The following CDC42SE2 variants were observed in gnomAD, a reference collection of about 807,000 sequenced individuals.
The protein encoded by CDC42SE2 is CDC42 small effector protein 2.
CDC42SE2 carries 3 observed loss-of-function variants against 11.5 expected under a neutral mutation model. That is an observed-to-expected ratio of 0.26 (90% CI 0.12 to 0.67). The LOEUF (loss-of-function observed/expected upper bound fraction) is 0.67, where lower values mean the gene tolerates loss of function less well. CDC42SE2 is among the 30% of genes least tolerant of loss of function. The pLI is 0.80. For missense variants in CDC42SE2, 82 were observed against 106.8 expected (o/e 0.77, Z 1.02); for synonymous variants, 33 against 34.8 (o/e 0.95, Z 0.18).
chr5:131,247,652 T>A (rs1182122163), intron 1 of CDC42SE2, among the ~76,000 whole-genome samples: 1 of 152,134 alleles, frequency 6.6e-6, no homozygotes, highest in Non-Finnish European at 1.5e-5. Flanking sequence ...TATTTATTTA[T>A]TTATTTGTAT....
In CDC42SE2 at chr5:131,338,973, C is replaced by T. The variant is rs140064426; in HGVS notation, c.-285-20236C>T. On this transcript the variant is annotated intron_variant, in intron 2 of 4. Coordinates refer to ENST00000505065, the MANE Select transcript of CDC42SE2 (RefSeq NM_001375635.1). ...TTTAAGAATGCTTGTTCAGGCCGGG[C>T]GTGGTGGCTCACACCTGTAAACCCA... Among the ~76,000 whole-genome samples, 3 of 152,134 alleles carry T rather than the reference C, an allele frequency of 2.0e-5. No individual in the cohort carries two copies. The East Asian group carries it at 5.8e-4, about 29-fold the overall frequency.
rs751473116 is a variant in CDC42SE2, at chr5:131,352,186, G to T, written c.-285-7023G>T. Among the ~76,000 whole-genome samples, 73 of 152,062 alleles carry T rather than the reference G, an allele frequency of 4.8e-4. 1 individual carries two copies. Among genetic ancestry groups the T allele is most frequent in the Non-Finnish European group, 1.3e-4 (9 of 68,002 alleles). On this transcript the variant is annotated intron_variant, in intron 2 of 4. Coordinates refer to ENST00000505065, the MANE Select transcript of CDC42SE2 (RefSeq NM_001375635.1). ...ATAACTGGAACTCTCAATGCAAAGT[G>T]GTAAAACTGGTTTAGAAAACTGGTG... is the stretch of plus-strand genomic sequence containing the variant.
At chr5:131,313,119 A>T (rs1454070265) in intron 1 of CDC42SE2, among the ~76,000 whole-genome samples, 1 of 151,630 alleles carries the variant, frequency 6.6e-6, no homozygotes, top group Non-Finnish European at 1.5e-5. Context: ...TGTAGCTGGG[A>T]CTACAGGTGC....
intron 1 of CDC42SE2, among the ~76,000 whole-genome samples, chr5:131,313,827 AATTT>A (rs1757982568): frequency 6.6e-6 from 1 of 151,984 alleles, no homozygotes. Flanking sequence ...TTATTTAATT[AATTT>A]ATTTTATTTA....
At chr5:131,378,706 A>G (rs1750225798) in intron 3 of CDC42SE2, among the ~76,000 whole-genome samples, 1 of 152,342 alleles carries the variant, frequency 6.6e-6, no homozygotes, top group Admixed American at 6.5e-5. Flanking sequence ...AACCAGTTAC[A>G]TACTTATGGT....
chr5:131,229,473 T>C, the CDC42SE2 span, among the ~76,000 whole-genome samples: 3 of 152,142 alleles, frequency 2.0e-5, no homozygotes, highest in Admixed American at 6.5e-5. Context: ...TGAAATGGTC[T>C]TGAGCTCTTG....
chr5:131,301,864 T>C (rs1238645101), intron 1 of CDC42SE2, among the ~76,000 whole-genome samples: 1 of 152,146 alleles, frequency 6.6e-6, no homozygotes, highest in Non-Finnish European at 1.5e-5. Context: ...CCCCCTTCCC[T>C]TTCTGATACC....
At chr5:131,228,536 C>A in the CDC42SE2 span, among the ~76,000 whole-genome samples, 1 of 152,178 alleles carries the variant, frequency 6.6e-6, no homozygotes, top group Non-Finnish European at 1.5e-5. Flanking sequence ...CTGTTCCCTG[C>A]AATAAAAGAC....
At chr5:131,229,359 T>C in the CDC42SE2 span, among the ~76,000 whole-genome samples, 1 of 152,106 alleles carries the variant, frequency 6.6e-6, no homozygotes, top group Non-Finnish European at 1.5e-5. Flanking sequence ...ATTAACCCTA[T>C]ACAATTTCTT....
chr5:131,340,607 T>A (rs13174167), intron 2 of CDC42SE2, among the ~76,000 whole-genome samples: 4,329 of 152,258 alleles, frequency 0.028, 88 homozygotes, highest in Middle Eastern at 0.068. Context: ...AACTGCAGTC[T>A]TAGACAAACA....
intron 1 of CDC42SE2, among the ~76,000 whole-genome samples, chr5:131,280,441 T>G (rs2149701490): frequency 6.6e-6 from 1 of 152,312 alleles, no homozygotes; most frequent in South Asian, 2.1e-4. Flanking sequence ...AAAGTATTAC[T>G]TTTTATTACT....
At chr5:131,245,975 T>C (rs983280688) in intron 1 of CDC42SE2, among the ~76,000 whole-genome samples, 1 of 152,208 alleles carries the variant, frequency 6.6e-6, no homozygotes, top group South Asian at 2.1e-4. Context: ...AATCCTCAAG[T>C]AGTTTGTTCA....
Position 131,348,817 on chromosome 5 carries a change from G to GC in CDC42SE2, c.-285-10387dup, listed in dbSNP as rs572701794. Reference sequence around the variant, plus strand: ...AGATATAGACCAATGGAATAGAAGAGCCCCCGGAAATAATACCACACATCT... The same window carrying GC: ...AGATATAGACCAATGGAATAGAAGAGCCCCCCGGAAATAATACCACACATCT... On this transcript the variant is annotated intron_variant, in intron 2 of 4. Coordinates refer to ENST00000505065, the MANE Select transcript of CDC42SE2 (RefSeq NM_001375635.1). 3.9e-4 allele frequency among the ~76,000 whole-genome samples: 59 copies of GC among 150,718 alleles called. 1 individual carries two copies. In the East Asian group the frequency reaches 9.1e-3, roughly 23 times the overall value.
the CDC42SE2 span, among the ~76,000 whole-genome samples, chr5:131,229,124 T>C: frequency 2.0e-5 from 3 of 151,850 alleles, no homozygotes; most frequent in East Asian, 5.8e-4. Flanking sequence ...CTCTCATTCC[T>C]AGAAATTTAA....
At chr5:131,345,324 T>G (rs1254064162) in intron 2 of CDC42SE2, among the ~76,000 whole-genome samples, 3 of 152,064 alleles carry the variant, frequency 2.0e-5, no homozygotes, top group Non-Finnish European at 1.5e-5. Context: ...CTGATGGAGC[T>G]GAAAACCATG....
the CDC42SE2 span, among the ~76,000 whole-genome samples, chr5:131,214,873 A>G: frequency 6.6e-6 from 1 of 152,238 alleles, no homozygotes; most frequent in Non-Finnish European, 1.5e-5. Context: ...CTCAGGAGCT[A>G]GGGAAATAAA....
At chr5:131,329,448 C>T (rs1758366874) in intron 2 of CDC42SE2, among the ~76,000 whole-genome samples, 1 of 152,086 alleles carries the variant, frequency 6.6e-6, no homozygotes, top group African/African-American at 2.4e-5. Flanking sequence ...AGTTGTTCCT[C>T]TTGGTAAGAA....
At chr5:131,373,088 G>A (rs1348542896) in intron 3 of CDC42SE2, among the ~76,000 whole-genome samples, 1 of 152,060 alleles carries the variant, frequency 6.6e-6, no homozygotes, top group Non-Finnish European at 1.5e-5. Context: ...GCAATATTTT[G>A]TTCTCATTTG....
chr5:131,369,456 C>T (rs888381579), intron 3 of CDC42SE2, among the ~76,000 whole-genome samples: 3 of 152,150 alleles, frequency 2.0e-5, no homozygotes, highest in African/African-American at 4.8e-5. Flanking sequence ...ATTACTGGGT[C>T]TAACAGCTGA....
Sources: gnomAD v4.1 joint callset for allele counts (sites outside exome capture counted in the v4.1 genomes callset) on GRCh38, gnomAD v4.1.1 for gene constraint, MANE v1.5 for transcripts, NCBI Gene and HGNC (gene_info 2026-07-23, HGNC 2026-07-21) for gene names.